BCKDHB: variants seen among roughly 807,000 people sequenced by gnomAD.
The protein encoded by BCKDHB is 2-oxoisovalerate dehydrogenase subunit beta, mitochondrial.
BCKDHB carries 41 observed loss-of-function variants against 48.5 expected under a neutral mutation model. The ratio of observed to expected loss-of-function variants is 0.85; its 90% CI spans 0.66 to 1.10. The LOEUF (loss-of-function observed/expected upper bound fraction) is 1.10. Ranked by LOEUF, BCKDHB falls within the 50% of genes least tolerant of loss-of-function variation. The pLI is 0.00. For synonymous variants in BCKDHB, 201 were observed against 174.8 expected (o/e 1.15, Z -1.18); for missense variants, 496 against 494.2 (o/e 1.00, Z -0.03).
At chr6:80,384,915 G>A in the BCKDHB span, among the ~76,000 whole-genome samples, 8 of 152,124 alleles carry the variant, frequency 5.3e-5, no homozygotes, top group Non-Finnish European at 1.2e-4. Context: ...AATATGATTA[G>A]ACTCCAAATT....
At chr6:80,341,372 A>G (rs1027205860) in intron 9 of BCKDHB, among the ~76,000 whole-genome samples, 9 of 152,176 alleles carry the variant, frequency 5.9e-5, no homozygotes, top group African/African-American at 1.7e-4. Context: ...ACTGTTTTCG[A>G]AAAACCAAAA....
chr6:80,214,803 C>T (rs1046449266), intron 8 of BCKDHB, among the ~76,000 whole-genome samples: 1 of 152,120 alleles, frequency 6.6e-6, no homozygotes, highest in Non-Finnish European at 1.5e-5. Flanking sequence ...CTGATGATCT[C>T]GTGAATTGAA....
the BCKDHB span, among the ~76,000 whole-genome samples, chr6:80,431,187 G>C: frequency 1.3e-5 from 2 of 152,156 alleles, no homozygotes; most frequent in Non-Finnish European, 2.9e-5. Context: ...CTGAGAGACT[G>C]TTTATTATTA....
chr6:80,463,276 G>T, the BCKDHB span: 1 of 152,102 alleles, frequency 6.6e-6, no homozygotes, highest in African/African-American at 2.4e-5. Flanking sequence ...TTTTGAAGGG[G>T]TACTAGTTTT....
the BCKDHB span, among the ~76,000 whole-genome samples, chr6:80,428,025 C>T: frequency 9.9e-5 from 15 of 151,992 alleles, no homozygotes; most frequent in Non-Finnish European, 1.6e-4. Flanking sequence ...CTCCCCTAAC[C>T]CCCCACCCCC....
chr6:80,132,918 G>A (rs900093331), intron 3 of BCKDHB, among the ~76,000 whole-genome samples: 4 of 152,164 alleles, frequency 2.6e-5, no homozygotes, highest in African/African-American at 9.7e-5. Flanking sequence ...TGAATATAGG[G>A]CAGGAATTTT....
intron 3 of BCKDHB, among the ~76,000 whole-genome samples, chr6:80,152,097 A>G (rs1313364531): frequency 1.3e-5 from 2 of 152,166 alleles, no homozygotes; most frequent in South Asian, 4.1e-4. Context: ...CTGGAAAAAC[A>G]GCTTTGGTTG....
At chr6:80,427,274 G>A in the BCKDHB span, among the ~76,000 whole-genome samples, 1 of 151,794 alleles carries the variant, frequency 6.6e-6, no homozygotes, top group African/African-American at 2.4e-5. Flanking sequence ...CTGTTTTAAG[G>A]TTTGGAGTAC....
intron 6 of BCKDHB, among the ~76,000 whole-genome samples, chr6:80,174,290 A>G (rs905554952): frequency 1.3e-5 from 2 of 152,170 alleles, no homozygotes; most frequent in Non-Finnish European, 2.9e-5. Context: ...ACTGGCTGAC[A>G]TTTATATAAA....
chr6:80,251,950 T>C (rs748722496), intron 8 of BCKDHB, among the ~76,000 whole-genome samples: 3 of 152,200 alleles, frequency 2.0e-5, no homozygotes, highest in Non-Finnish European at 2.9e-5. Flanking sequence ...ATGGAGAATA[T>C]GAGTTGACAC....
chr6:80,178,273 G>A (rs1773257850), intron 6 of BCKDHB, among the ~76,000 whole-genome samples: 1 of 152,162 alleles, frequency 6.6e-6, no homozygotes, highest in Non-Finnish European at 1.5e-5. Flanking sequence ...TGATTAGTAA[G>A]CTTCTTTCAC....
intron 8 of BCKDHB, among the ~76,000 whole-genome samples, chr6:80,224,658 G>T (rs1472157011): frequency 1.3e-5 from 2 of 152,226 alleles, no homozygotes; most frequent in East Asian, 1.9e-4. Flanking sequence ...AGCCTCCCAA[G>T]TTAAGTGCTG....
At chr6:80,119,863 T>TC (rs774083152) in intron 1 of BCKDHB, among the ~76,000 whole-genome samples, 2 of 150,470 alleles carry the variant, frequency 1.3e-5, no homozygotes, top group Non-Finnish European at 3.0e-5. Flanking sequence ...ATCTTTTTTT[T>TC]CCTATTTTTT....
At chr6:80,165,212 CT>C (rs1199985444) in intron 3 of BCKDHB, among the ~76,000 whole-genome samples, 1 of 152,088 alleles carries the variant, frequency 6.6e-6, no homozygotes, top group East Asian at 1.9e-4. Flanking sequence ...TGGGAGACAG[CT>C]GGAATTTACG....
chr6:80,371,300 G>C, the BCKDHB span, among the ~76,000 whole-genome samples: 1 of 151,998 alleles, frequency 6.6e-6, no homozygotes, highest in Non-Finnish European at 1.5e-5. Flanking sequence ...TTTGAGAACT[G>C]TCTATTCATG....
chr6:80,313,979 C>T (rs1276171712), intron 9 of BCKDHB, among the ~76,000 whole-genome samples: 1 of 152,178 alleles, frequency 6.6e-6, no homozygotes, highest in Non-Finnish European at 1.5e-5. Context: ...TCTTTGTTCT[C>T]ATTAGTTTCA....
At chr6:80,210,449 A>C (rs983687852) in intron 8 of BCKDHB, among the ~76,000 whole-genome samples, 2 of 152,146 alleles carry the variant, frequency 1.3e-5, no homozygotes, top group Non-Finnish European at 2.9e-5. Flanking sequence ...TAATTGGAAG[A>C]GTGTGTAAGG....
At chr6:80,419,409 C>T in the BCKDHB span, among the ~76,000 whole-genome samples, 2 of 152,140 alleles carry the variant, frequency 1.3e-5, no homozygotes, top group Non-Finnish European at 2.9e-5. Context: ...GAGAGACCGG[C>T]AGACCAAGAG....
intron 3 of BCKDHB, among the ~76,000 whole-genome samples, chr6:80,157,733 C>G (rs1772120996): frequency 1.3e-5 from 2 of 151,928 alleles, no homozygotes; most frequent in South Asian, 4.1e-4. Context: ...CCCACCTCGG[C>G]CTCCCAAAGT....
Sources: allele counts gnomAD v4.1 joint callset (sites outside exome capture counted in the v4.1 genomes callset), GRCh38; gene constraint gnomAD v4.1.1; transcripts MANE v1.5; gene names NCBI Gene and HGNC (gene_info 2026-07-23, HGNC 2026-07-21).